Variants in RMND5A observed in about 807,000 individuals in gnomAD.
The protein encoded by RMND5A is required for meiotic nuclear division 5 homolog A.
RMND5A carries 17 observed loss-of-function variants against 49.7 expected under a neutral mutation model. That is an observed-to-expected ratio of 0.34 (90% confidence interval 0.23 to 0.51). The LOEUF is 0.51. Among genes scored for constraint, RMND5A ranks in the 20% least tolerant of loss-of-function variants. RMND5A has a pLI of 0.96. For missense variants in RMND5A, 255 were observed against 471.3 expected, an observed-to-expected ratio of 0.54 and a Z score of 4.25; for synonymous variants, 156 against 167.7, an observed-to-expected ratio of 0.93 and a Z score of 0.54.
chr2:86,752,075 A>G (rs749575023), intron 3 of RMND5A, 45 bp downstream of exon 3: 71 of 1,591,818 alleles, frequency 4.5e-5, no homozygotes, highest in Non-Finnish European at 6.1e-5. Flanking sequence ...AAACAAGGGA[A>G]CTCCTTGGAG....
At chr2:86,729,300 AAG>A (rs534570145) in intron 1 of RMND5A, among the ~76,000 whole-genome samples, 1 of 152,016 alleles carries the variant, frequency 6.6e-6, no homozygotes, top group African/African-American at 2.4e-5. Flanking sequence ...GACACCAGTG[AAG>A]AGAGAGAGCC....
chr2:86,750,462 A>C (rs1681614537), intron 2 of RMND5A, among the ~76,000 whole-genome samples: 1 of 151,932 alleles, frequency 6.6e-6, no homozygotes, highest in Non-Finnish European at 1.5e-5. Flanking sequence ...TTCTGTTGAG[A>C]AATCTGTAGT....
At chr2:86,754,076 T>C (rs1681688150) in intron 4 of RMND5A, among the ~76,000 whole-genome samples, 1 of 152,248 alleles carries the variant, frequency 6.6e-6, no homozygotes, top group South Asian at 2.1e-4. Context: ...AATTACTCTG[T>C]AAGCTATAAT....
At chr2:86,760,402 C>G (rs146754803) in intron 4 of RMND5A, among the ~76,000 whole-genome samples, 2 of 152,154 alleles carry the variant, frequency 1.3e-5, no homozygotes, top group Non-Finnish European at 2.9e-5. Context: ...TACATAAATT[C>G]GTTTTTACCA....
intron 2 of RMND5A, among the ~76,000 whole-genome samples, chr2:86,749,036 C>T (rs1681588186): frequency 2.0e-5 from 3 of 152,124 alleles, no homozygotes; most frequent in Non-Finnish European, 4.4e-5. Flanking sequence ...TTGTAATAAA[C>T]TCATCTTCAG....
intron 2 of RMND5A, among the ~76,000 whole-genome samples, chr2:86,747,483 G>T (rs1681557901): frequency 6.6e-6 from 1 of 152,314 alleles, no homozygotes; most frequent in South Asian, 2.1e-4. Context: ...ACTCTGTTAA[G>T]TATCCTTTGC....
At chr2:86,745,962 T>G (rs1255573206) in intron 2 of RMND5A, among the ~76,000 whole-genome samples, 1 of 152,202 alleles carries the variant, frequency 6.6e-6, no homozygotes, top group Admixed American at 6.5e-5. Flanking sequence ...ACAATAATAG[T>G]TAAAAAAAAT....
rs11547281 is a variant in RMND5A at position 86,776,723 on chromosome 2, C to T, written c.*3312C>T. The T allele has an allele frequency of 1.3e-5, 2 of 152,086 alleles. No homozygotes were observed. The highest frequency in any genetic ancestry group is 2.9e-5 in the Non-Finnish European group (2 of 68,046). 9.4% of individuals were successfully genotyped at this position (152,086 alleles called of 1,614,324 possible). On this transcript the variant is annotated 3_prime_UTR_variant, in exon 9 of 9. Transcript: ENST00000283632. ...GAGAGCCACGCTGCTCAGTCTGTTT[C>T]GTCAGCCGACTCAGGTTATTTTCAG...
rs1400031 is a variant in RMND5A at position 86,728,516 on chromosome 2, C to T, written c.142+7707C>T. Among the ~76,000 whole-genome samples, 6 of 53,172 alleles carry T rather than the reference C, an allele frequency of 1.1e-4. 2 individuals carry two copies. The highest frequency in any genetic ancestry group is 5.0e-4 in the South Asian group (1 of 1,998). The allele number at this position is 53,172 out of a possible 152,430, so 34.9% of individuals were successfully genotyped here. A position where few individuals can be genotyped will look rare whatever the true frequency, so the allele number is the denominator to read the frequency against. On this transcript the variant is annotated intron_variant, in intron 1 of 8. Transcript: ENST00000283632. ...ACGGAGTTTCACTATGTTGGCTAGG[C>T]GGATCTTGAACTCCTGGGCTCAAGT...
chr2:86,769,960 C>A, intron 6 of RMND5A, 63 bp from the exon 7 acceptor site: 1 of 1,179,244 alleles, frequency 8.5e-7, no homozygotes, highest in Non-Finnish European at 1.3e-6. Flanking sequence ...AAATTGATGT[C>A]TCCTTGGACC....
chr2:86,760,924 T>C (rs995344799), intron 4 of RMND5A, among the ~76,000 whole-genome samples: 5 of 151,790 alleles, frequency 3.3e-5, no homozygotes, highest in African/African-American at 1.2e-4. Context: ...TGCTTGTGGT[T>C]TAGATGGAAC....
At chr2:86,762,877 C>T (rs977953314) in intron 4 of RMND5A, among the ~76,000 whole-genome samples, 1 of 151,182 alleles carries the variant, frequency 6.6e-6, no homozygotes, top group East Asian at 2.0e-4. Context: ...CTTGTCTCTT[C>T]AAAAAAATAC....
At chr2:86,759,774 TG>T (rs1681815689) in intron 4 of RMND5A, among the ~76,000 whole-genome samples, 1 of 151,592 alleles carries the variant, frequency 6.6e-6, no homozygotes, top group Admixed American at 6.6e-5. Flanking sequence ...TACTCCAGCC[TG>T]GGCAACAGAA....
chr2:86,724,074 C>G (rs982038617), intron 1 of RMND5A, among the ~76,000 whole-genome samples: 10 of 150,756 alleles, frequency 6.6e-5, no homozygotes, highest in Non-Finnish European at 1.3e-4. Flanking sequence ...GTCAGCCTGA[C>G]AACAGGAATA....
intron 4 of RMND5A, among the ~76,000 whole-genome samples, chr2:86,758,951 G>A (rs1681795303): frequency 6.6e-6 from 1 of 152,154 alleles, no homozygotes; most frequent in South Asian, 2.1e-4. Flanking sequence ...AAAAATCAAT[G>A]TCATTCATTC....
chr2:86,758,616 G>A (rs1362454970), intron 4 of RMND5A, among the ~76,000 whole-genome samples: 1 of 152,186 alleles, frequency 6.6e-6, no homozygotes, highest in African/African-American at 2.4e-5. Flanking sequence ...GTGTGTGTGT[G>A]TGTCTTAAAT....
intron 4 of RMND5A, among the ~76,000 whole-genome samples, chr2:86,757,488 T>G (rs2104401526): frequency 6.6e-6 from 1 of 152,318 alleles, no homozygotes; most frequent in Admixed American, 6.5e-5. Flanking sequence ...CAGGAGAATT[T>G]AGAGCAAACT....
chr2:86,762,450 G>A (rs1672510122), intron 4 of RMND5A, among the ~76,000 whole-genome samples: 1 of 152,010 alleles, frequency 6.6e-6, no homozygotes, highest in East Asian at 1.9e-4. Flanking sequence ...TTCAAGACCA[G>A]CCTGGCCAAC....
At chr2:86,720,895 C>T (rs1681196453) in intron 1 of RMND5A, 86 bp downstream of exon 1, 2 of 1,327,242 alleles carry the variant, frequency 1.5e-6, no homozygotes, top group Non-Finnish European at 2.0e-6. Context: ...CTCACCCACC[C>T]TCGCGCCTCT....
Sources: allele counts gnomAD v4.1 joint callset (sites outside exome capture counted in the v4.1 genomes callset), GRCh38; gene constraint gnomAD v4.1.1; transcripts MANE v1.5; gene names NCBI Gene and HGNC (gene_info 2026-07-23, HGNC 2026-07-21).